The following CSMD1 variants were observed in gnomAD, a reference collection of about 807,000 sequenced individuals.
CSMD1 encodes CUB and sushi domain-containing protein 1.
A neutral mutation model predicts 417.5 loss-of-function variants in CSMD1; 213 were observed. That is an observed-to-expected ratio of 0.51 (90% CI 0.46 to 0.57). The LOEUF is 0.57. Ranked by LOEUF, CSMD1 falls within the 20% of genes least tolerant of loss-of-function variation. The pLI is 0.00. For synonymous variants in CSMD1, 2,862 were observed against 1,736.8 expected (o/e 1.65, Z -16.11); for missense variants, 6,923 against 4,529.7 (o/e 1.53, Z -15.17).
intron 3 of CSMD1, among the ~76,000 whole-genome samples, chr8:4,131,123 C>T (rs1803076412): frequency 6.6e-6 from 1 of 152,160 alleles, no homozygotes; most frequent in Non-Finnish European, 1.5e-5. Context: ...ACTGCTTATT[C>T]ATTTACAAGT....
chr8:3,999,345 C>A (rs1253295583), intron 4 of CSMD1, among the ~76,000 whole-genome samples: 2 of 152,080 alleles, frequency 1.3e-5, no homozygotes, highest in Non-Finnish European at 2.9e-5. Context: ...TCGACCCTAC[C>A]CACCCTCTCT....
At chr8:3,850,899 A>T (rs1351853230) in intron 5 of CSMD1, among the ~76,000 whole-genome samples, 1 of 152,202 alleles carries the variant, frequency 6.6e-6, no homozygotes, top group African/African-American at 2.4e-5. Context: ...CACAGGAAAC[A>T]GAGTTTAAAG....
chr8:4,792,307 G>A (rs1313643425), intron 1 of CSMD1, among the ~76,000 whole-genome samples: 1 of 152,154 alleles, frequency 6.6e-6, no homozygotes, highest in African/African-American at 2.4e-5. Flanking sequence ...TGGTCCCTAA[G>A]AGTTCTAAAA....
chr8:4,584,426 G>A (rs550618004), intron 2 of CSMD1, among the ~76,000 whole-genome samples: 1 of 152,144 alleles, frequency 6.6e-6, no homozygotes, highest in South Asian at 2.1e-4. Flanking sequence ...TAAATACCGG[G>A]CACCTGTCGG....
intron 23 of CSMD1, among the ~76,000 whole-genome samples, chr8:3,328,240 C>T (rs17079993): frequency 0.066 from 10,054 of 152,258 alleles, 442 homozygotes; most frequent in East Asian, 0.18. Flanking sequence ...CTGCCTGTGT[C>T]CTACATTCCT....
chr8:3,374,035 C>A (rs1810149928), intron 18 of CSMD1, among the ~76,000 whole-genome samples: 1 of 151,162 alleles, frequency 6.6e-6, no homozygotes, highest in Admixed American at 6.6e-5. Context: ...TCACTGCAAC[C>A]TCTGCCTCCC....
At chr8:3,233,969 C>G (rs1756830308) in intron 26 of CSMD1, among the ~76,000 whole-genome samples, 1 of 152,180 alleles carries the variant, frequency 6.6e-6, no homozygotes, top group African/African-American at 2.4e-5. Context: ...TTGCATGCAT[C>G]TATGTCTCTG....
chr8:3,203,920 G>T (rs534734114), intron 31 of CSMD1, among the ~76,000 whole-genome samples: 3 of 152,168 alleles, frequency 2.0e-5, no homozygotes, highest in Non-Finnish European at 4.4e-5. Flanking sequence ...GTAGTGTCTG[G>T]ATTGCACATC....
At chr8:3,523,661 A>G (rs1232907579) in intron 10 of CSMD1, among the ~76,000 whole-genome samples, 1 of 142,424 alleles carries the variant, frequency 7.0e-6, no homozygotes, top group Non-Finnish European at 1.5e-5. Context: ...GCACAGTTAC[A>G]CATGCACACA....
intron 5 of CSMD1, among the ~76,000 whole-genome samples, chr8:3,977,713 C>A (rs936782214): frequency 6.6e-6 from 1 of 152,124 alleles, no homozygotes; most frequent in Admixed American, 6.5e-5. Context: ...GTCATAGATG[C>A]CTGGAAATGA....
chr8:4,171,042 C>A (rs1797736162), intron 3 of CSMD1, among the ~76,000 whole-genome samples: 2 of 151,880 alleles, frequency 1.3e-5, no homozygotes, highest in Admixed American at 6.5e-5. Flanking sequence ...ATGCACCGAT[C>A]TCTCCATCCT....
rs149070724 is a variant in CSMD1, at chr8:4,251,730, C to T, written c.415+168223G>A. Among the ~76,000 whole-genome samples, 1,299 of 152,026 alleles carry T rather than the reference C, an allele frequency of 8.5e-3. 20 individuals carry two copies. Among genetic ancestry groups the T allele is most frequent in the African/African-American group, 0.03 (1,247 of 41,430 alleles). ...GTATGTGTACCTAGTCCTGATGAGA[C>T]GTCACAGTTGTGACATCTCACAAGT... On this transcript the variant is annotated intron_variant, in intron 3 of 69. Transcript: ENST00000635120.
Position 3,408,056 on chromosome 8 carries a change from G to C in CSMD1, c.1914C>G (p.Leu638=), listed in dbSNP as rs748994048. ...DFDVEPQFDF[L]AVKDDGISDI... ...CAGAAATGCCATCATCCTTGACCGC[G>C]AGAAAGTCAAACTGAGGCTCAACAT... Residue 638 remains leucine, a synonymous_variant, in exon 14 of 70, where the codon CTC becomes CTG. Coordinates refer to ENST00000635120, the MANE Select transcript of CSMD1 (RefSeq NM_033225.6). 3 of 1,613,796 alleles carry C rather than the reference G, an allele frequency of 1.9e-6. No individual in the cohort carries two copies. The highest frequency in any genetic ancestry group is 2.7e-5 in the African/African-American group (2 of 74,968).
At chr8:4,284,810 A>G (rs760795314) in intron 3 of CSMD1, among the ~76,000 whole-genome samples, 33 of 152,124 alleles carry the variant, frequency 2.2e-4, no homozygotes, top group Non-Finnish European at 4.0e-4. Context: ...ACAAACTTCA[A>G]TATATGTGGC....
rs1288160957 is a variant in CSMD1, at chr8:3,586,101, G to C, written c.1222+35C>G. 3.1e-6 allele frequency: 5 copies of C among 1,593,342 alleles called. No homozygotes were observed. The East Asian group carries it at 9.0e-5, about 29-fold the overall frequency. ...TAAAAATGCCAACCTTAAAGAAAGA[G>C]ATAATCCAGGCTTTACCCACCGCAG... On this transcript the variant is annotated intron_variant, in intron 9 of 69. Coordinates refer to ENST00000635120, the MANE Select transcript of CSMD1 (RefSeq NM_033225.6).
Position 3,432,241 on chromosome 8 carries a change from T to C in CSMD1, c.1562-22636A>G, listed in dbSNP as rs1480757835. 2.0e-5 allele frequency among the ~76,000 whole-genome samples: 3 copies of C among 152,232 alleles called. No homozygotes were observed. The South Asian group carries it at 6.2e-4, about 32-fold the overall frequency. On this transcript the variant is annotated intron_variant, in intron 12 of 69. Transcript: ENST00000635120. ...TATGACTATGGAAAAATAAAACACC[T>C]TTTAAATAAATAGATTTTTAAATAA... is the stretch of plus-strand genomic sequence containing the variant.
At chr8:3,934,177 C>A (rs997917612) in intron 5 of CSMD1, among the ~76,000 whole-genome samples, 2 of 152,118 alleles carry the variant, frequency 1.3e-5, no homozygotes, top group African/African-American at 4.8e-5. Flanking sequence ...TGAATAGAAT[C>A]TCGGCTAAAC....
chr8:3,272,166 A>G (rs1237643806), intron 26 of CSMD1, among the ~76,000 whole-genome samples: 1 of 146,988 alleles, frequency 6.8e-6, no homozygotes, highest in Admixed American at 6.9e-5. Flanking sequence ...CAGTTTTCCC[A>G]GCACCATTTA....
At chr8:4,222,572 T>C (rs992175169) in intron 3 of CSMD1, among the ~76,000 whole-genome samples, 2 of 152,206 alleles carry the variant, frequency 1.3e-5, no homozygotes, top group Admixed American at 6.5e-5. Flanking sequence ...TTAAAGGCTA[T>C]TACTTTAAAA....
Sources: gnomAD v4.1 joint callset for allele counts (sites outside exome capture counted in the v4.1 genomes callset) on GRCh38, gnomAD v4.1.1 for gene constraint, MANE v1.5 for transcripts, NCBI Gene and HGNC (gene_info 2026-07-23, HGNC 2026-07-21) for gene names.